Variants in PSD observed in about 807,000 individuals in gnomAD.
PSD encodes PH and SEC7 domain-containing protein 1.
A neutral mutation model predicts 91.6 loss-of-function variants in PSD; 32 were observed. That is an observed-to-expected ratio of 0.35 (90% confidence interval 0.26 to 0.47). The LOEUF is 0.47. Among genes scored for constraint, PSD ranks in the 20% least tolerant of loss-of-function variants. PSD has a pLI of 1.00. For synonymous variants in PSD, 532 were observed against 569.3 expected (o/e 0.93, Z 0.93); for missense variants, 1,099 against 1,373.9 (o/e 0.80, Z 3.16).
At chr10:102,411,160 C>A (rs1205960839) in intron 8 of PSD, 44 bp from the exon 9 acceptor site, 1 of 1,554,366 alleles carries the variant, frequency 6.4e-7, no homozygotes, top group Non-Finnish European at 8.7e-7. Flanking sequence ...TCCCAGGGAC[C>A]CTTCCCACAG....
chr10:102,403,196 C>G lies in PSD; in HGVS notation c.*4G>C. On this transcript the variant is annotated 3_prime_UTR_variant, in exon 17 of 17. Coordinates refer to ENST00000020673, the MANE Select transcript of PSD (RefSeq NM_002779.5). This position sits in a 1 kb window ranked among gnomAD's most constrained non-coding sequence, Gnocchi z 6.7. ...AGCAGGCACTCCCCACCCTAAACCT[C>G]ATCTCAGGGCTTCCGCCGCCCACTG... 6.5e-7 allele frequency: 1 copy of G among 1,545,862 alleles called. No individual in the cohort carries two copies. The highest frequency in any genetic ancestry group is 8.8e-7 in the Non-Finnish European group (1 of 1,142,516).
At position 102,403,862 on chromosome 10, in the gene PSD, CCTT is replaced by C. The variant is rs2061320143; in HGVS notation, c.2821_2823del (p.Lys941del). On this transcript the variant is annotated inframe_deletion, in exon 16 of 17. Coordinates refer to ENST00000020673, the MANE Select transcript of PSD (RefSeq NM_002779.5). The surrounding 1 kb of genome is among the most constrained non-coding windows in gnomAD (Gnocchi z 6.7). Reference sequence around the variant, plus strand: ...CTCACCTCAAACTCCAGGTAGGCCTCCTTCTGCCGCTGCTCTTCAGCCTCCTTG... The same window carrying C: ...CTCACCTCAAACTCCAGGTAGGCCTCCTGCCGCTGCTCTTCAGCCTCCTTG... 9 of 1,611,012 alleles carry C rather than the reference CCTT, an allele frequency of 5.6e-6. No individual in the cohort carries two copies. The highest frequency in any genetic ancestry group is 2.7e-5 in the African/African-American group (2 of 74,896).
chr10:102,411,334 C>G (rs1282223007), intron 8 of PSD, among the ~76,000 whole-genome samples: 1 of 149,038 alleles, frequency 6.7e-6, no homozygotes, highest in Non-Finnish European at 1.5e-5. Flanking sequence ...CTAGTTGCCC[C>G]AACGTACTAG....
In PSD at chr10:102,405,579, CG is replaced by C. The variant is rs1356816212; in HGVS notation, c.2136-44del. 2 of 1,562,974 alleles carry C rather than the reference CG, an allele frequency of 1.3e-6. No individual in the cohort carries two copies. Among genetic ancestry groups the C allele is most frequent in the African/African-American group, 2.7e-5 (2 of 73,726 alleles). ...TCAGAGGGGGCTGGCCATGGAGCCG[CG>C]GCCCCCGCTTCAGTTCTGGCCTCTG... On this transcript the variant is annotated intron_variant, in intron 11 of 16. Transcript: ENST00000020673. The surrounding 1 kb of genome is among the most constrained non-coding windows in gnomAD (Gnocchi z 5.4).
chr10:102,416,368 C>A lies in PSD; in HGVS notation c.654+17G>T. On this transcript the variant is annotated intron_variant, in intron 2 of 16. Coordinates refer to ENST00000020673, the MANE Select transcript of PSD (RefSeq NM_002779.5). The surrounding 1 kb of genome is among the most constrained non-coding windows in gnomAD (Gnocchi z 6.0). ...CCCTTCACTGGGGGCCCAGGGAGCCCAGGGGAAGTTGCATACCTGGTTCAG... is the reference window on the plus strand; with the variant it reads ...CCCTTCACTGGGGGCCCAGGGAGCCAAGGGGAAGTTGCATACCTGGTTCAG... 6.3e-7 allele frequency: 1 copy of A among 1,585,236 alleles called. No individual in the cohort carries two copies. Among genetic ancestry groups the A allele is most frequent in the East Asian group, 2.3e-5 (1 of 43,854 alleles).
rs1258282431 is a variant in PSD, at chr10:102,404,566, G to A, written c.2700+17C>T. 6.2e-7 allele frequency: 1 copy of A among 1,610,304 alleles called. No homozygotes were observed. The highest frequency in any genetic ancestry group is 8.5e-7 in the Non-Finnish European group (1 of 1,178,378). On this transcript the variant is annotated intron_variant, in intron 15 of 16. Coordinates refer to ENST00000020673, the MANE Select transcript of PSD (RefSeq NM_002779.5). The surrounding 1 kb of genome is among the most constrained non-coding windows in gnomAD (Gnocchi z 5.7). ...CCCTCCATCCCACTGGCACTAGGTG[G>A]ACAGAGCTTGGGCTACCTGGGAGAG...
rs771304799 is a variant in PSD, at chr10:102,403,346, G to A, written c.2929C>T (p.Leu977=). 1.6e-5 allele frequency: 26 copies of A among 1,614,110 alleles called. No homozygotes were observed. In the Admixed American group the frequency reaches 4.0e-4, roughly 25 times the overall value. ...TCCTCTGTGCTCCCGGCCTGGGCCA[G>A]TGCTGCCTCCACTGCATCCAGCTCC... The part of the protein sequence containing the change: ...SEELDAVEAA[L]AQAGSTEDGL... Residue 977 remains leucine (L), a synonymous_variant, in exon 17 of 17, where the codon CTG becomes TTG. Transcript: ENST00000020673. This position sits in a 1 kb window ranked among gnomAD's most constrained non-coding sequence, Gnocchi z 6.7.
At chr10:102,417,998 C>G (rs568313658) in intron 1 of PSD, among the ~76,000 whole-genome samples, 1 of 151,982 alleles carries the variant, frequency 6.6e-6, no homozygotes, top group South Asian at 2.1e-4. Context: ...CGTGAGCCAC[C>G]GCACCCGGCC....
intron 3 of PSD, among the ~76,000 whole-genome samples, chr10:102,415,456 T>C (rs985537103): frequency 2.6e-5 from 4 of 152,196 alleles, no homozygotes; most frequent in African/African-American, 7.2e-5. Flanking sequence ...GACCAGCCTT[T>C]TTCTGTCTTT....
intron 1 of PSD, 52 bp downstream of exon 1, chr10:102,418,649 G>A (rs1472250234): frequency 2.2e-6 from 1 of 449,278 alleles, no homozygotes. Context: ...GCTCAACGGG[G>A]TCCCAGCGCA....
At position 102,416,528 on chromosome 10, in the gene PSD, G is replaced by A. The variant is rs1278203175; in HGVS notation, c.511C>T (p.Arg171Trp). 5 of 1,611,094 alleles carry A rather than the reference G, an allele frequency of 3.1e-6. No homozygotes were observed. Among genetic ancestry groups the A allele is most frequent in the Non-Finnish European group, 3.4e-6 (4 of 1,178,794 alleles). Residue 171 changes from arginine to tryptophan, a missense_variant, in exon 2 of 17, where the codon CGG (arginine) becomes TGG (tryptophan). Arg to Trp is a moderately radical substitution (Grantham distance 101). Transcript: ENST00000020673. This position sits in a 1 kb window ranked among gnomAD's most constrained non-coding sequence, Gnocchi z 6.0. ...GCTGGCGGCCCATGTACAAGGTTCC[G>A]GCTGCCAGGTAGGGCCGAGCCTCCT... The part of the protein sequence containing the change: ...ARGGSALPGS[R>W]NLVHGPPAPP...
At position 102,403,210 on chromosome 10, in the gene PSD, C is replaced by T. The variant is rs756809776; in HGVS notation, c.3065G>A (p.Arg1022Gln). The change falls in exon 17 of 17, where the codon CGG becomes CAG. Residue 1022 changes from arginine to glutamine, a missense_variant. Physicochemically the swap from Arg to Gln is conservative, Grantham distance 43 (BLOSUM62 1). Around this residue, in one of 3 missense-constraint regions of PSD, gnomAD observed 358 missense variants for 426.5 expected, o/e 0.84. Transcript: ENST00000020673. The surrounding 1 kb of genome is among the most constrained non-coding windows in gnomAD (Gnocchi z 6.7). ...EPRPGAGSGR[R>Q]KP The stretch of plus-strand genomic sequence containing the variant: ...ACCCTAAACCTCATCTCAGGGCTTC[C>T]GCCGCCCACTGCCTGCCCCTGGCCG... 1.3e-5 allele frequency: 21 copies of T among 1,564,858 alleles called. No individual in the cohort carries two copies. The highest frequency in any genetic ancestry group is 1.1e-4 in the African/African-American group (8 of 73,952).
At position 102,404,631 on chromosome 10, in the gene PSD, C is replaced by A. The variant is rs2061339065; in HGVS notation, c.2652G>T (p.Lys884Asn). 6.2e-7 allele frequency: 1 copy of A among 1,611,916 alleles called. No homozygotes were observed. Among genetic ancestry groups the A allele is most frequent in the Admixed American group, 1.7e-5 (1 of 59,648 alleles). ...PPFPAAVSSQKKFSRPLLPSA... is the reference protein window; with the variant it reads ...PPFPAAVSSQNKFSRPLLPSA... ...TGGGCAGGAGAGGGCGGCTGAACTT[C>A]TTTTGGGAGCTAACAGCAGCTGGGA... Residue 884 changes from lysine to asparagine, a missense_variant, in exon 15 of 17, where the codon AAG becomes AAT. Physicochemically the swap from Lys to Asn is moderately conservative, Grantham distance 94 (BLOSUM62 0). This residue lies in a region of PSD where 358 missense variants were observed against 426.5 expected (regional missense o/e 0.84). Transcript: ENST00000020673. The surrounding 1 kb of genome is among the most constrained non-coding windows in gnomAD (Gnocchi z 5.7).
In PSD at chr10:102,409,449, C is replaced by T. The variant is rs2061402802; in HGVS notation, c.2091+1409G>A. On this transcript the variant is annotated intron_variant, in intron 10 of 16. Coordinates refer to ENST00000020673, the MANE Select transcript of PSD (RefSeq NM_002779.5). This position sits in a 1 kb window ranked among gnomAD's most constrained non-coding sequence, Gnocchi z 5.7. ...GTGGCAGCTCCAGGGAGGCTGAGAG[C>T]ACCGCTAGGCCTGGGGCTGTGACGC... Among the ~76,000 whole-genome samples, 1 of 152,126 alleles carries T rather than the reference C, an allele frequency of 6.6e-6. No individual in the cohort carries two copies. The highest frequency in any genetic ancestry group is 2.1e-4 in the South Asian group (1 of 4,830).
chr10:102,415,324 A>G, intron 3 of PSD, 95 bp from the exon 4 acceptor site: 1 of 1,406,700 alleles, frequency 7.1e-7, no homozygotes, highest in Non-Finnish European at 9.4e-7. Flanking sequence ...CCTCATATTG[A>G]CAGGAAGTTC....
At chr10:102,418,853 C>T (rs2061519923), upstream of PSD, 7 of 380,330 alleles carry the variant, frequency 1.8e-5, no homozygotes, top group South Asian at 9.2e-5. Context: ...AACGCTAATC[C>T]CCCCCACCCC....
Position 102,416,337 on chromosome 10 carries a change from C to T in PSD, c.654+48G>A. 1 of 1,556,088 alleles carries T rather than the reference C, an allele frequency of 6.4e-7. No individual in the cohort carries two copies. The highest frequency in any genetic ancestry group is 8.7e-7 in the Non-Finnish European group (1 of 1,147,676). On this transcript the variant is annotated intron_variant, in intron 2 of 16. Coordinates refer to ENST00000020673, the MANE Select transcript of PSD (RefSeq NM_002779.5). This position sits in a 1 kb window ranked among gnomAD's most constrained non-coding sequence, Gnocchi z 6.0. ...AGCCCATGTCTGACAGGAGGCTGAG[C>T]CTTGCCCCTTCACTGGGGGCCCAGG...
rs968995784 is a variant in PSD, at chr10:102,409,426, G to T, written c.2091+1432C>A. On this transcript the variant is annotated intron_variant, in intron 10 of 16. Transcript: ENST00000020673. The surrounding 1 kb of genome is among the most constrained non-coding windows in gnomAD (Gnocchi z 5.7). ...GGAGCCTGGGGAGGCCAGCGTGGGT[G>T]GCAGCTCCAGGGAGGCTGAGAGCAC... 64 of 823,508 alleles carry T rather than the reference G, an allele frequency of 7.8e-5. No homozygotes were observed. The highest frequency in any genetic ancestry group is 8.5e-5 in the Non-Finnish European group (58 of 682,140). The allele number at this position is 823,508 out of a possible 1,614,324, so 51.0% of individuals were successfully genotyped here.
chr10:102,411,238 CG>C, intron 8 of PSD, 122 bp from the exon 9 acceptor site: 4 of 826,548 alleles, frequency 4.8e-6, no homozygotes, highest in Middle Eastern at 3.3e-4. Flanking sequence ...TCCTGAACCC[CG>C]CTAGTAAACC....
Sources: allele counts gnomAD v4.1 joint callset (sites outside exome capture counted in the v4.1 genomes callset), GRCh38; gene constraint gnomAD v4.1.1; regional missense constraint gnomAD v4.1.1; non-coding constraint Gnocchi (gnomAD v3.1); transcripts MANE v1.5; gene names NCBI Gene and HGNC (gene_info 2026-07-23, HGNC 2026-07-21).